COPG2: variants seen among roughly 807,000 people sequenced by gnomAD.
COPG2 encodes the protein coat protein complex I subunit gamma 2.
A neutral mutation model predicts 46.3 loss-of-function variants in COPG2; 37 were observed. That is an observed-to-expected ratio of 0.80 (90% CI 0.61 to 1.05). COPG2 has a LOEUF of 1.05. Among genes scored for constraint, COPG2 ranks in the 50% least tolerant of loss-of-function variants. The probability of loss-of-function intolerance (pLI) is 0.00; values close to 1 mark genes in which losing one functional copy is unlikely to be tolerated. For missense variants in COPG2, 427 were observed against 387.8 expected (o/e 1.10, Z -0.85); for synonymous variants, 159 against 129.7 (o/e 1.23, Z -1.53).
At chr7:130,554,067 G>A (rs1793576935) in intron 14 of COPG2, among the ~76,000 whole-genome samples, 1 of 152,152 alleles carries the variant, frequency 6.6e-6, no homozygotes, top group Admixed American at 6.5e-5. Context: ...GGGAAGGAAA[G>A]TATAGAGTCA....
intron 20 of COPG2, among the ~76,000 whole-genome samples, chr7:130,521,161 C>T (rs1215102609): frequency 4.6e-5 from 7 of 151,684 alleles, no homozygotes; most frequent in African/African-American, 1.7e-4. Flanking sequence ...CTTGAAAAGT[C>T]GAGTCAGGAA....
chr7:130,606,426 A>T (rs1295374110), intron 9 of COPG2, among the ~76,000 whole-genome samples: 2 of 152,196 alleles, frequency 1.3e-5, no homozygotes, highest in Non-Finnish European at 2.9e-5. Context: ...TGCCTACAGA[A>T]ATTTGGACTT....
intron 20 of COPG2, among the ~76,000 whole-genome samples, chr7:130,518,786 C>T (rs1313291220): frequency 1.3e-5 from 2 of 152,012 alleles, no homozygotes; most frequent in Non-Finnish European, 2.9e-5. Flanking sequence ...GGCAGATCAC[C>T]TGAGGTCAGG....
At chr7:130,579,638 A>T (rs1436743189) in intron 9 of COPG2, among the ~76,000 whole-genome samples, 1 of 152,174 alleles carries the variant, frequency 6.6e-6, no homozygotes, top group Non-Finnish European at 1.5e-5. Flanking sequence ...GGCTCAAAAT[A>T]AAAGGATGGA....
At chr7:130,637,971 A>G (rs1458211600) in intron 5 of COPG2, among the ~76,000 whole-genome samples, 2 of 152,170 alleles carry the variant, frequency 1.3e-5, no homozygotes, top group African/African-American at 4.8e-5. Flanking sequence ...TCCTTCTAAC[A>G]GTCAGGACCC....
chr7:130,551,773 GC>G (rs1793537276), intron 15 of COPG2, among the ~76,000 whole-genome samples: 1 of 152,292 alleles, frequency 6.6e-6, no homozygotes, highest in Admixed American at 6.5e-5. Flanking sequence ...ACGTAAACTA[GC>G]CAACCTTTGG....
chr7:130,585,800 A>G (rs937658206), intron 9 of COPG2, among the ~76,000 whole-genome samples: 53 of 152,024 alleles, frequency 3.5e-4, no homozygotes, highest in African/African-American at 1.2e-3. Context: ...GGCCACAATC[A>G]AAAAAATCAA....
Position 130,579,608 on chromosome 7 carries a change from CAT to C in COPG2, c.738-15217_738-15216del, listed in dbSNP as rs1794091793. Among the ~76,000 whole-genome samples, 6 of 152,286 alleles carry C rather than the reference CAT, an allele frequency of 3.9e-5. No homozygotes were observed. In the South Asian group the frequency reaches 1.0e-3, roughly 26 times the overall value. ...TGTGCTGTATTCAGGAAACCCATCTCATGTGCAGAGACACACACAGGCTCAAA... is the reference window on the plus strand; with the variant it reads ...TGTGCTGTATTCAGGAAACCCATCTCGTGCAGAGACACACACAGGCTCAAA... On this transcript the variant is annotated intron_variant, in intron 9 of 23. Coordinates refer to ENST00000425248, the MANE Select transcript of COPG2 (RefSeq NM_012133.6).
At chr7:130,544,698 A>C (rs1291147008) in intron 20 of COPG2, among the ~76,000 whole-genome samples, 1 of 152,170 alleles carries the variant, frequency 6.6e-6, no homozygotes, top group African/African-American at 2.4e-5. Flanking sequence ...TTACGGGTGC[A>C]ATAAATATTC....
intron 20 of COPG2, among the ~76,000 whole-genome samples, chr7:130,518,432 A>G (rs954429392): frequency 1.3e-5 from 2 of 152,184 alleles, no homozygotes; most frequent in African/African-American, 4.8e-5. Flanking sequence ...ACTGGAGAGC[A>G]TGGGCAAGTG....
intron 20 of COPG2, among the ~76,000 whole-genome samples, chr7:130,515,304 A>G (rs1584961060): frequency 6.6e-6 from 1 of 152,154 alleles, no homozygotes; most frequent in Admixed American, 6.5e-5. Context: ...AATGGTGGGG[A>G]GCCAGCACTT....
chr7:130,651,228 G>C (rs1159526943), intron 5 of COPG2, among the ~76,000 whole-genome samples: 2 of 152,032 alleles, frequency 1.3e-5, no homozygotes, highest in Admixed American at 1.3e-4. Context: ...ATTATAAAAA[G>C]TTTAAAAGAA....
chr7:130,633,149 G>C (rs112764959), intron 5 of COPG2, among the ~76,000 whole-genome samples: 3,216 of 152,184 alleles, frequency 0.021, 91 homozygotes, highest in African/African-American at 0.065. Context: ...TATCATTGAC[G>C]GGCATTTGGG....
chr7:130,544,765 G>A (rs2116376362), intron 20 of COPG2, among the ~76,000 whole-genome samples: 1 of 152,184 alleles, frequency 6.6e-6, no homozygotes, highest in Non-Finnish European at 1.5e-5. Flanking sequence ...TTGCCTTAAA[G>A]GCTTTTCTAA....
At chr7:130,582,527 C>T (rs1184081584) in intron 9 of COPG2, among the ~76,000 whole-genome samples, 1 of 151,712 alleles carries the variant, frequency 6.6e-6, no homozygotes, top group Non-Finnish European at 1.5e-5. Flanking sequence ...AGCTTCAGCA[C>T]AGCAAAAGAA....
chr7:130,598,177 A>G (rs929481477), intron 9 of COPG2, among the ~76,000 whole-genome samples: 2 of 151,772 alleles, frequency 1.3e-5, no homozygotes, highest in Non-Finnish European at 1.5e-5. Flanking sequence ...CTGCACACTG[A>G]CTCTCAATAT....
intron 9 of COPG2, among the ~76,000 whole-genome samples, chr7:130,604,388 T>C (rs1228464209): frequency 6.6e-6 from 1 of 152,240 alleles, no homozygotes; most frequent in Non-Finnish European, 1.5e-5. Context: ...TGTAATTTTC[T>C]GTGTAGAGAT....
intron 9 of COPG2, among the ~76,000 whole-genome samples, chr7:130,592,273 A>G (rs1238054271): frequency 1.3e-5 from 2 of 152,036 alleles, no homozygotes; most frequent in Non-Finnish European, 2.9e-5. Context: ...GTGGAAGGCC[A>G]CAGGGTCCTC....
intron 9 of COPG2, chr7:130,605,272 G>T (rs1554451065): frequency 1.9e-6 from 1 of 519,748 alleles, no homozygotes; most frequent in South Asian, 1.4e-5. Flanking sequence ...CAAATTATCT[G>T]ATTCAGTTAT....
Sources: gnomAD v4.1 joint callset for allele counts (sites outside exome capture counted in the v4.1 genomes callset) on GRCh38, gnomAD v4.1.1 for gene constraint, MANE v1.5 for transcripts, NCBI Gene and HGNC (gene_info 2026-07-23, HGNC 2026-07-21) for gene names.